The following GNAQ variants were observed in gnomAD, a reference collection of about 807,000 sequenced individuals.
GNAQ encodes G protein subunit alpha q.
GNAQ carries 8 observed loss-of-function variants against 43.9 expected under a neutral mutation model. The observed-to-expected ratio is 0.18, with a 90% CI of 0.11 to 0.33. The LOEUF is 0.33. Among genes scored for constraint, GNAQ ranks in the 10% least tolerant of loss-of-function variants. The pLI is 1.00. For synonymous variants in GNAQ, 155 were observed against 170.7 expected (o/e 0.91, Z 0.71); for missense variants, 158 against 450.8 (o/e 0.35, Z 5.88).
intron 2 of GNAQ, among the ~76,000 whole-genome samples, chr9:77,861,065 C>T (rs1242945529): frequency 2.0e-5 from 3 of 152,178 alleles, no homozygotes; most frequent in Admixed American, 6.5e-5. Context: ...AGAGGTTTAA[C>T]GGACTTACAG....
At chr9:77,989,878 T>C (rs1823487468) in intron 1 of GNAQ, among the ~76,000 whole-genome samples, 1 of 152,226 alleles carries the variant, frequency 6.6e-6, no homozygotes, top group Non-Finnish European at 1.5e-5. Context: ...TTTGCACAAA[T>C]GAATAAACAG....
At chr9:77,910,276 G>A (rs1401772166) in intron 2 of GNAQ, among the ~76,000 whole-genome samples, 2 of 152,086 alleles carry the variant, frequency 1.3e-5, no homozygotes, top group Admixed American at 6.6e-5. Flanking sequence ...ATCCTCCCTC[G>A]ACCTCCATTC....
At chr9:77,817,851 C>G (rs1177181389) in intron 2 of GNAQ, among the ~76,000 whole-genome samples, 3 of 152,032 alleles carry the variant, frequency 2.0e-5, no homozygotes, top group Admixed American at 2.0e-4. Flanking sequence ...AACGAGGTGT[C>G]AGAGAGAAGG....
chr9:78,027,751 C>T (rs1438282821), intron 1 of GNAQ, among the ~76,000 whole-genome samples: 1 of 115,484 alleles, frequency 8.7e-6, no homozygotes, highest in African/African-American at 3.2e-5. Flanking sequence ...AACTCCATCT[C>T]AAAAAAAAAA....
At chr9:77,860,253 C>T (rs7041318) in intron 2 of GNAQ, among the ~76,000 whole-genome samples, 104,249 of 151,788 alleles carry the variant, frequency 0.69, 36,477 homozygotes, top group Middle Eastern at 0.76. Flanking sequence ...CTCATTAGTG[C>T]TTGGTTTCTC....
At chr9:77,732,147 G>T (rs115480461) in intron 5 of GNAQ, among the ~76,000 whole-genome samples, 1,871 of 152,248 alleles carry the variant, frequency 0.012, 39 homozygotes, top group African/African-American at 0.042. Flanking sequence ...CGTCCCAGGA[G>T]ACTTTGTGGC....
intron 1 of GNAQ, among the ~76,000 whole-genome samples, chr9:77,949,899 T>C (rs1196316795): frequency 6.6e-6 from 1 of 152,168 alleles, no homozygotes; most frequent in Non-Finnish European, 1.5e-5. Flanking sequence ...GTTTTTGTCT[T>C]GAATCCTTGG....
At chr9:77,815,465 TG>T in intron 3 of GNAQ, 150 bp downstream of exon 3, 1 of 488,570 alleles carries the variant, frequency 2.0e-6, no homozygotes. Context: ...TTTATGAGGT[TG>T]GCATAAGTTC....
chr9:77,981,375 C>A (rs1823366047), intron 1 of GNAQ, among the ~76,000 whole-genome samples: 1 of 152,174 alleles, frequency 6.6e-6, no homozygotes, highest in Non-Finnish European at 1.5e-5. Context: ...TTAGGAAATT[C>A]ATTTCTAAAT....
At chr9:77,745,451 A>G (rs1330454568) in intron 5 of GNAQ, among the ~76,000 whole-genome samples, 1 of 152,106 alleles carries the variant, frequency 6.6e-6, no homozygotes, top group Non-Finnish European at 1.5e-5. Context: ...CAATGCAAAA[A>G]CTTAAAATAC....
chr9:77,765,730 C>T (rs1235531659), intron 5 of GNAQ, among the ~76,000 whole-genome samples: 2 of 152,180 alleles, frequency 1.3e-5, no homozygotes, highest in African/African-American at 4.8e-5. Context: ...ATACAATCAC[C>T]ATATGCTCCA....
chr9:77,915,579 C>T (rs1391863222), intron 2 of GNAQ, among the ~76,000 whole-genome samples: 3 of 151,308 alleles, frequency 2.0e-5, no homozygotes, highest in Non-Finnish European at 4.4e-5. Context: ...TTGAAATAAT[C>T]CCATTACTAT....
intron 1 of GNAQ, among the ~76,000 whole-genome samples, chr9:78,019,923 C>CAAAA (rs34222702): frequency 8.5e-5 from 8 of 94,022 alleles, no homozygotes; most frequent in African/African-American, 1.7e-4. Flanking sequence ...GACTCCATCT[C>CAAAA]AAAAAAAAAA....
At chr9:77,958,932 C>T (rs564316084) in intron 1 of GNAQ, among the ~76,000 whole-genome samples, 85 of 152,212 alleles carry the variant, frequency 5.6e-4, no homozygotes, top group South Asian at 1.2e-3. Flanking sequence ...TCAGAGGTAC[C>T]CCAAACTGTT....
chr9:77,946,737 C>T (rs1053178183), intron 1 of GNAQ, among the ~76,000 whole-genome samples: 4 of 152,174 alleles, frequency 2.6e-5, no homozygotes, highest in Admixed American at 6.5e-5. Flanking sequence ...AGTTGCTATA[C>T]GGATCAACAG....
At chr9:77,926,709 C>T (rs985719662) in intron 1 of GNAQ, among the ~76,000 whole-genome samples, 2 of 152,172 alleles carry the variant, frequency 1.3e-5, no homozygotes, top group African/African-American at 2.4e-5. Flanking sequence ...AAAAACCCTG[C>T]TCTTTCAATG....
chr9:77,989,498 C>G (rs1823482781), intron 1 of GNAQ, among the ~76,000 whole-genome samples: 1 of 152,202 alleles, frequency 6.6e-6, no homozygotes, highest in African/African-American at 2.4e-5. Flanking sequence ...ATATTGGGAG[C>G]CTGTTAGAAG....
chr9:77,808,573 T>A (rs915035513), intron 3 of GNAQ, among the ~76,000 whole-genome samples: 1 of 152,078 alleles, frequency 6.6e-6, no homozygotes, highest in African/African-American at 2.4e-5. Context: ...ATAATTTCTC[T>A]GTTCATTACA....
chr9:77,993,288 T>G (rs886895816), intron 1 of GNAQ, among the ~76,000 whole-genome samples: 1 of 152,154 alleles, frequency 6.6e-6, no homozygotes, highest in African/African-American at 2.4e-5. Flanking sequence ...ATAATATATA[T>G]AGACTATATC....
Sources: gnomAD v4.1 joint callset for allele counts (sites outside exome capture counted in the v4.1 genomes callset) on GRCh38, gnomAD v4.1.1 for gene constraint, MANE v1.5 for transcripts, NCBI Gene and HGNC (gene_info 2026-07-23, HGNC 2026-07-21) for gene names.